The following PDZD2 variants were observed in gnomAD, a reference collection of about 807,000 sequenced individuals.
The protein encoded by PDZD2 is PDZ domain-containing protein 2.
Under a neutral mutation model 220.7 loss-of-function variants are expected in PDZD2, and 90 were observed. The ratio of observed to expected loss-of-function variants is 0.41; its 90% CI spans 0.34 to 0.49. PDZD2 has a LOEUF of 0.49. Among genes scored for constraint, PDZD2 ranks in the 20% least tolerant of loss-of-function variants. PDZD2 has a pLI of 0.28. For synonymous variants in PDZD2, 1,375 were observed against 1,450.5 expected (o/e 0.95, Z 1.18); for missense variants, 3,174 against 3,608.5 (o/e 0.88, Z 3.08).
intron 3 of PDZD2, among the ~76,000 whole-genome samples, chr5:31,989,863 T>C (rs1751074333): frequency 6.6e-6 from 1 of 152,190 alleles, no homozygotes; most frequent in Non-Finnish European, 1.5e-5. Context: ...CTTGTAGGTA[T>C]TTATTAATCA....
chr5:31,795,497 G>T (rs995827392), intron 1 of PDZD2, among the ~76,000 whole-genome samples: 2 of 152,182 alleles, frequency 1.3e-5, no homozygotes, highest in African/African-American at 4.8e-5. Context: ...AAATGGACTG[G>T]GCTGTTGCAG....
intron 2 of PDZD2, among the ~76,000 whole-genome samples, chr5:31,884,200 G>A (rs1246416498): frequency 4.1e-5 from 6 of 145,826 alleles, no homozygotes; most frequent in African/African-American, 1.1e-4. Context: ...GCAACAGAGC[G>A]AGACTCCATC....
intron 2 of PDZD2, among the ~76,000 whole-genome samples, chr5:31,883,023 C>CAAAAAAAAAAAAAA (rs781370177): frequency 2.1e-5 from 1 of 47,950 alleles, no homozygotes; most frequent in African/African-American, 7.6e-5. Context: ...GACTCTGTCT[C>CAAAAAAAAAAAAAA]AAAAAAAAAA....
chr5:31,660,377 G>A (rs4867073), intron 1 of PDZD2, among the ~76,000 whole-genome samples: 84,432 of 151,798 alleles, frequency 0.56, 24,369 homozygotes, highest in Middle Eastern at 0.73. Context: ...TGGGGTCTGT[G>A]TTAGTCCATT....
intron 24 of PDZD2, among the ~76,000 whole-genome samples, chr5:32,105,705 C>T (rs1453039354): frequency 1.3e-5 from 2 of 152,140 alleles, no homozygotes; most frequent in African/African-American, 4.8e-5. Flanking sequence ...ATGTGTTCAA[C>T]AAAAGCTATG....
intron 1 of PDZD2, among the ~76,000 whole-genome samples, chr5:31,761,821 G>T (rs537156306): frequency 1.3e-5 from 2 of 149,078 alleles, no homozygotes; most frequent in African/African-American, 5.0e-5. Context: ...AGATCACACC[G>T]CTGCACTCCA....
Position 32,010,266 on chromosome 5 carries a change from C to T in PDZD2, c.1255-64C>T, listed in dbSNP as rs1753184633. On this transcript the variant is annotated intron_variant, in intron 5 of 24. Transcript: ENST00000438447. ...CATGTAGCTTGACTGTGCCAGGTTGCCTTCAAGAACTGCTTGGTTCTGGGG... is the reference window on the plus strand; with the variant it reads ...CATGTAGCTTGACTGTGCCAGGTTGTCTTCAAGAACTGCTTGGTTCTGGGG... 3.3e-6 allele frequency: 4 copies of T among 1,203,428 alleles called. No individual in the cohort carries two copies. In the South Asian group the frequency reaches 5.8e-5, roughly 17 times the overall value. The allele number at this position is 1,203,428 out of a possible 1,614,324, so 74.5% of individuals were successfully genotyped here.
At chr5:31,647,497 C>G (rs1745178727) in intron 1 of PDZD2, among the ~76,000 whole-genome samples, 1 of 152,172 alleles carries the variant, frequency 6.6e-6, no homozygotes, top group Non-Finnish European at 1.5e-5. Context: ...GGGGAGAATC[C>G]TTCCCTGCCT....
At position 32,090,611 on chromosome 5, in the gene PDZD2, C is replaced by T. The variant is rs367724893; in HGVS notation, c.7163C>T (p.Ala2388Val). Residue 2388 changes from alanine (A) to valine (V), a missense_variant, in exon 20 of 25, where the codon GCA becomes GTA. Physicochemically the swap from Ala to Val is moderately conservative, Grantham distance 64 (BLOSUM62 0). Around this residue, in one of 4 missense-constraint regions of PDZD2, gnomAD observed 631 missense variants for 789.9 expected, o/e 0.80. Coordinates refer to ENST00000438447, the MANE Select transcript of PDZD2 (RefSeq NM_178140.4). The surrounding 1 kb of genome is among the most constrained non-coding windows in gnomAD (Gnocchi z 4.3). ...GGGAGCCTGGGCCACCCAGGTGACG[C>T]AGCAGCAAGGTTGTTGAGACGCAGC... ...VSGSLGHPGD[A>V]AARLLRRSLS... 2.5e-6 allele frequency: 4 copies of T among 1,613,736 alleles called. No homozygotes were observed. Among genetic ancestry groups the T allele is most frequent in the African/African-American group, 2.7e-5 (2 of 74,926 alleles).
intron 5 of PDZD2, among the ~76,000 whole-genome samples, chr5:32,004,955 G>A (rs1374645143): frequency 6.6e-6 from 1 of 152,156 alleles, no homozygotes; most frequent in East Asian, 1.9e-4. Context: ...GAAGAGTGAG[G>A]CCTTTCTCTT....
chr5:31,743,090 G>GC (rs1339075052), intron 1 of PDZD2, among the ~76,000 whole-genome samples: 1 of 152,036 alleles, frequency 6.6e-6, no homozygotes, highest in African/African-American at 2.4e-5. Flanking sequence ...GCTGAATTCT[G>GC]CCATACATAC....
intron 2 of PDZD2, among the ~76,000 whole-genome samples, chr5:31,836,702 G>A (rs1049326740): frequency 3.3e-5 from 5 of 152,108 alleles, no homozygotes; most frequent in Admixed American, 1.3e-4. Flanking sequence ...AAAAGGGTAC[G>A]TCATCTGTCC....
In PDZD2 at chr5:31,995,020, C is replaced by G. The variant is rs147350538; in HGVS notation, c.979-556C>G. Among the ~76,000 whole-genome samples, 11 of 152,146 alleles carry G rather than the reference C, an allele frequency of 7.2e-5. No homozygotes were observed. The East Asian group carries it at 7.7e-4, about 11-fold the overall frequency. ...TATAAATGGCAGAGCTAGGTTCCAA[C>G]TAGTTGAAGTCTCCTGGCACCAAGA... On this transcript the variant is annotated intron_variant, in intron 3 of 24. Coordinates refer to ENST00000438447, the MANE Select transcript of PDZD2 (RefSeq NM_178140.4).
intron 2 of PDZD2, among the ~76,000 whole-genome samples, chr5:31,897,975 A>T (rs185682679): frequency 5.3e-5 from 8 of 152,246 alleles, no homozygotes; most frequent in African/African-American, 1.7e-4. Context: ...TCCTGACCTC[A>T]GGTGATCTGA....
At chr5:31,888,189 T>C (rs10472791) in intron 2 of PDZD2, among the ~76,000 whole-genome samples, 23,454 of 152,026 alleles carry the variant, frequency 0.15, 1,942 homozygotes, top group Middle Eastern at 0.21. Context: ...TCTCTTCTCT[T>C]TTCTCTTTCC....
At chr5:32,015,176 A>G (rs140396969) in intron 6 of PDZD2, among the ~76,000 whole-genome samples, 4,557 of 152,066 alleles carry the variant, frequency 0.03, 96 homozygotes, top group Non-Finnish European at 0.046. Context: ...TCCTGACCTC[A>G]GGTGATCTGC....
intron 5 of PDZD2, among the ~76,000 whole-genome samples, chr5:32,002,605 AC>A (rs1752232649): frequency 8.5e-6 from 1 of 118,288 alleles, no homozygotes; most frequent in Non-Finnish European, 2.0e-5. Context: ...CACACACACC[AC>A]ACACACACCA....
At chr5:31,725,198 C>A (rs188119108) in intron 1 of PDZD2, among the ~76,000 whole-genome samples, 3 of 151,900 alleles carry the variant, frequency 2.0e-5, no homozygotes, top group Non-Finnish European at 2.9e-5. Context: ...ATTAGCCAGG[C>A]GTGGTGGCAC....
chr5:31,934,927 A>G (rs1013049904), intron 2 of PDZD2, among the ~76,000 whole-genome samples: 2 of 152,054 alleles, frequency 1.3e-5, no homozygotes, highest in African/African-American at 2.4e-5. Flanking sequence ...TCTCTACTAA[A>G]AATACAAAAA....
Sources: gnomAD v4.1 joint callset for allele counts (sites outside exome capture counted in the v4.1 genomes callset) on GRCh38, gnomAD v4.1.1 for gene constraint, gnomAD v4.1.1 regional missense constraint, Gnocchi (gnomAD v3.1) non-coding constraint, MANE v1.5 for transcripts, NCBI Gene and HGNC (gene_info 2026-07-23, HGNC 2026-07-21) for gene names.